Variants in ITGB4 observed in about 807,000 individuals in gnomAD.
ITGB4 encodes integrin subunit beta 4, also known as integrin beta-4.
A neutral mutation model predicts 207.6 loss-of-function variants in ITGB4; 159 were observed. The ratio of observed to expected loss-of-function variants is 0.77; its 90% CI spans 0.67 to 0.87. ITGB4 has a LOEUF of 0.87. ITGB4 is among the 40% of genes least tolerant of loss of function. ITGB4 has a pLI of 0.00. For missense variants in ITGB4, 2,278 were observed against 2,546.8 expected, an observed-to-expected ratio of 0.89 and a Z score of 2.27; for synonymous variants, 1,020 against 1,062.7, an observed-to-expected ratio of 0.96 and a Z score of 0.78.
rs372120901 is a variant in ITGB4, at chr17:75,740,025, G to C, written c.2400G>C (p.Arg800=). 11 of 1,612,982 alleles carry C rather than the reference G, an allele frequency of 6.8e-6. No individual in the cohort carries two copies. In the African/African-American group the frequency reaches 1.1e-4, roughly 16 times the overall value. ...VRWKVTNNMQ[R]PGFATHAASI... Reference sequence around the variant, plus strand: ...GGAAGGTCACCAACAACATGCAGCGGCCTGGCTTTGCCACTCATGCCGCCA... The same window carrying C: ...GGAAGGTCACCAACAACATGCAGCGCCCTGGCTTTGCCACTCATGCCGCCA... Residue 800 remains arginine, a synonymous_variant, in exon 20 of 40, where the codon CGG becomes CGC. Coordinates refer to ENST00000200181, the MANE Select transcript of ITGB4 (RefSeq NM_000213.5). This position sits in a 1 kb window ranked among gnomAD's most constrained non-coding sequence, Gnocchi z 5.9.
rs777986479 is a variant in ITGB4 at position 75,731,825 on chromosome 17, T to C, written c.1229T>C (p.Val410Ala). ...GGGCCCCTGCAGGGTATATACCAGG[T>C]GCAGCTGCGGGCCCTTGAGCACGTG... ...IRRGEVGIYQVQLRALEHVDG... is the reference protein window; with the variant it reads ...IRRGEVGIYQAQLRALEHVDG... Residue 410 changes from valine to alanine, a missense_variant, in exon 11 of 40, where the codon GTG (valine) becomes GCG (alanine). Physicochemically the swap from Val to Ala is moderately conservative, Grantham distance 64. Coordinates refer to ENST00000200181, the MANE Select transcript of ITGB4 (RefSeq NM_000213.5). This position sits in a 1 kb window ranked among gnomAD's most constrained non-coding sequence, Gnocchi z 6.8. 8 of 1,599,584 alleles carry C rather than the reference T, an allele frequency of 5.0e-6. No homozygotes were observed. The highest frequency in any genetic ancestry group is 1.3e-5 in the African/African-American group (1 of 74,674).
rs145976111 is a variant in ITGB4, at chr17:75,742,728, C to A, written c.2929C>A (p.Arg977Ser). 4.3e-6 allele frequency: 7 copies of A among 1,612,398 alleles called. No homozygotes were observed. The highest frequency in any genetic ancestry group is 5.9e-6 in the Non-Finnish European group (7 of 1,180,006). The change falls in exon 25 of 40, where the codon CGC (arginine) becomes AGC (serine). Residue 977 changes from arginine to serine, a missense_variant. By Grantham distance (110) the Arg-to-Ser change is moderately radical. Coordinates refer to ENST00000200181, the MANE Select transcript of ITGB4 (RefSeq NM_000213.5). The surrounding 1 kb of genome is among the most constrained non-coding windows in gnomAD (Gnocchi z 5.9). ...CGCAGGCACTGCCACCCTCGGCCGC[C>A]GCCTGGTAAACATCACCATCATCAA... Reference protein sequence around the residue: ...VPAGTATLGRRLVNITIIKEQ... With the variant: ...VPAGTATLGRSLVNITIIKEQ...
rs1310188526 is a variant in ITGB4 at position 75,727,470 on chromosome 17, A to G, written c.229A>G (p.Ile77Val). 1 of 1,613,814 alleles carries G rather than the reference A, an allele frequency of 6.2e-7. No homozygotes were observed. The highest frequency in any genetic ancestry group is 8.5e-7 in the Non-Finnish European group (1 of 1,180,014). ...LLAAGCQRES[I>V]VVMESSFQIT... ...GGCCGCGGGCTGCCAGCGGGAGAGC[A>G]TCGTGGTCATGGAGAGCAGCTTCCA... Residue 77 changes from isoleucine (I) to valine (V), a missense_variant, in exon 4 of 40, where the codon ATC (isoleucine) becomes GTC (valine). Physicochemically the swap from Ile to Val is conservative, Grantham distance 29. Coordinates refer to ENST00000200181, the MANE Select transcript of ITGB4 (RefSeq NM_000213.5). The surrounding 1 kb of genome is among the most constrained non-coding windows in gnomAD (Gnocchi z 6.0).
Position 75,731,358 on chromosome 17 carries a change from G to A in ITGB4, c.1205G>A (p.Arg402Gln), listed in dbSNP as rs748554997. Residue 402 changes from arginine (R) to glutamine (Q), a missense_variant, in exon 10 of 40, where the codon CGG becomes CAG. Coordinates refer to ENST00000200181, the MANE Select transcript of ITGB4 (RefSeq NM_000213.5). This position sits in a 1 kb window ranked among gnomAD's most constrained non-coding sequence, Gnocchi z 6.8. ...KTRTGSFHIR[R>Q]GEVGIYQVQL... ...AGGACTGGGTCCTTTCACATCCGGC[G>A]GGGGGAAGTGGTACGCCTCTGTGGG... 6.6e-5 allele frequency: 106 copies of A among 1,611,816 alleles called. No homozygotes were observed. Among genetic ancestry groups the A allele is most frequent in the East Asian group, 6.7e-5 (3 of 44,876 alleles).
At chr17:75,728,756 G>C (rs572176205) in intron 6 of ITGB4, among the ~76,000 whole-genome samples, 1 of 152,116 alleles carries the variant, frequency 6.6e-6, no homozygotes, top group African/African-American at 2.4e-5. Context: ...AGGCCAAGGC[G>C]GGTGGATCAC....
chr17:75,754,517 C>T (rs2061440862), intron 33 of ITGB4, 59 bp from the exon 34 acceptor site: 3 of 1,609,602 alleles, frequency 1.9e-6, no homozygotes, highest in Non-Finnish European at 2.5e-6. Flanking sequence ...GCCCAGCCTG[C>T]CCCACGGGGC....
At chr17:75,751,600 G>A (rs906595731) in intron 30 of ITGB4, 9 of 232,140 alleles carry the variant, frequency 3.9e-5, no homozygotes, top group Non-Finnish European at 7.8e-5. Flanking sequence ...AATTAGACAG[G>A]CATGGTGGCT....
chr17:75,740,206 G>C lies in ITGB4; in HGVS notation c.2446+135G>C, dbSNP rs1212789937. 1 of 1,218,512 alleles carries C rather than the reference G, an allele frequency of 8.2e-7. No individual in the cohort carries two copies. Among genetic ancestry groups the C allele is most frequent in the Non-Finnish European group, 1.2e-6 (1 of 860,010 alleles). The allele number at this position is 1,218,512 out of a possible 1,614,324, so 75.5% of individuals were successfully genotyped here. On this transcript the variant is annotated intron_variant, in intron 20 of 39. Transcript: ENST00000200181. The surrounding 1 kb of genome is among the most constrained non-coding windows in gnomAD (Gnocchi z 5.9). ...GCTCAGCCACCTTTTGCCCTGTGCT[G>C]ATGGTGCTATGAACCTCATGCCTCG...
chr17:75,730,385 A>T lies in ITGB4; in HGVS notation c.883A>T (p.Thr295Ser), dbSNP rs1393319372. ...ACGGTGCCACCTGGACACCACGGGC[A>T]CCTACACCCAGTACAGGACACAGGA... Reference protein sequence around the residue: ...DERCHLDTTGTYTQYRTQDYP... With the variant: ...DERCHLDTTGSYTQYRTQDYP... Residue 295 changes from threonine (T) to serine (S), a missense_variant, in exon 8 of 40, where the codon ACC becomes TCC. Transcript: ENST00000200181. The T allele has an allele frequency of 2.5e-6, 4 of 1,613,916 alleles. No homozygotes were observed. The highest frequency in any genetic ancestry group is 3.4e-6 in the Non-Finnish European group (4 of 1,179,998).
chr17:75,733,206 G>A (rs1303405218), intron 12 of ITGB4, among the ~76,000 whole-genome samples: 1 of 152,048 alleles, frequency 6.6e-6, no homozygotes, highest in East Asian at 1.9e-4. Context: ...GGCTAACATG[G>A]TGAAACCCCG....
intron 27 of ITGB4, among the ~76,000 whole-genome samples, chr17:75,749,603 C>A (rs1432126195): frequency 6.6e-6 from 1 of 152,238 alleles, no homozygotes; most frequent in Non-Finnish European, 1.5e-5. Flanking sequence ...GGCAACCCTA[C>A]AGCTAGAGAG....
intron 17 of ITGB4, 46 bp from the exon 18 acceptor site, chr17:75,737,492 C>A: frequency 6.4e-7 from 1 of 1,553,920 alleles, no homozygotes; most frequent in Non-Finnish European, 8.7e-7. Context: ...GGCCAGAGCT[C>A]GGTGGGGAGG....
At position 75,737,226 on chromosome 17, in the gene ITGB4, G is replaced by A. The variant is rs578239466; in HGVS notation, c.1991-96G>A. On this transcript the variant is annotated intron_variant, in intron 16 of 39. Coordinates refer to ENST00000200181, the MANE Select transcript of ITGB4 (RefSeq NM_000213.5). The stretch of plus-strand genomic sequence containing the variant: ...CCCCAGGAGGCCCTGCCGTGGGTGA[G>A]GCAGATCGCAGAGTAGGGGCCCCCT... 6 of 1,474,608 alleles carry A rather than the reference G, an allele frequency of 4.1e-6. No individual in the cohort carries two copies. In the South Asian group the frequency reaches 4.9e-5, roughly 12 times the overall value. 91.3% of individuals were successfully genotyped at this position (1,474,608 alleles called of 1,614,324 possible). A position where few individuals can be genotyped will look rare whatever the true frequency, so the allele number is the denominator to read the frequency against.
intron 30 of ITGB4, 152 bp from the exon 31 acceptor site, chr17:75,752,022 G>A (rs1015290453): frequency 1.9e-5 from 16 of 842,932 alleles, no homozygotes; most frequent in East Asian, 7.3e-5. Flanking sequence ...TCAGGGCTCC[G>A]CAGGCGGCAA....
Position 75,753,946 on chromosome 17 carries a change from C to A in ITGB4, c.4290C>A (p.Pro1430=). 3 of 1,273,824 alleles carry A rather than the reference C, an allele frequency of 2.4e-6. No individual in the cohort carries two copies. The highest frequency in any genetic ancestry group is 3.0e-6 in the Non-Finnish European group (3 of 1,015,696). 78.9% of individuals were successfully genotyped at this position (1,273,824 alleles called of 1,614,324 possible). ...GGAGGKGGSL[P]RSATPGPPGE... ...CGGGCGGGAAGGGCGGCAGCCTGCC[C>A]CGCAGTGCGACACCCGGGCCCCCCG... Residue 1430 remains proline, a synonymous_variant, in exon 33 of 40, where the codon CCC becomes CCA. Transcript: ENST00000200181.
chr17:75,746,084 T>C (rs1291604056), intron 26 of ITGB4, among the ~76,000 whole-genome samples: 1 of 152,066 alleles, frequency 6.6e-6, no homozygotes, highest in African/African-American at 2.4e-5. Context: ...AAGAATAATT[T>C]TTTTCTTTTA....
rs564425446 is a variant in ITGB4, at chr17:75,732,379, C to T, written c.1454+140C>T. On this transcript the variant is annotated intron_variant, in intron 12 of 39. Coordinates refer to ENST00000200181, the MANE Select transcript of ITGB4 (RefSeq NM_000213.5). This position sits in a 1 kb window ranked among gnomAD's most constrained non-coding sequence, Gnocchi z 5.3. ...CGGCAATCAAAGAAACGGCTAAGGG[C>T]GGGGCACACCCAGTTGTTGGTCAAA... 2.4e-5 allele frequency: 19 copies of T among 780,154 alleles called. No homozygotes were observed. Among genetic ancestry groups the T allele is most frequent in the South Asian group, 1.9e-4 (13 of 69,788 alleles). 48.3% of individuals were successfully genotyped at this position (780,154 alleles called of 1,614,324 possible).
rs1162800636 is a variant in ITGB4 at position 75,733,017 on chromosome 17, G to A, written c.1455-473G>A. Among the ~76,000 whole-genome samples the A allele has an allele frequency of 3.9e-5, 6 of 152,204 alleles. No individual in the cohort carries two copies. In the South Asian group the frequency reaches 8.3e-4, roughly 21 times the overall value. On this transcript the variant is annotated intron_variant, in intron 12 of 39. Coordinates refer to ENST00000200181, the MANE Select transcript of ITGB4 (RefSeq NM_000213.5). Reference sequence around the variant, plus strand: ...GCAGAATTGCTTGCACCTAGAAGGCGGAGGTTGCCGTGAGCTGAGATCGCG... The same window carrying A: ...GCAGAATTGCTTGCACCTAGAAGGCAGAGGTTGCCGTGAGCTGAGATCGCG...
intron 2 of ITGB4, among the ~76,000 whole-genome samples, chr17:75,726,759 C>G (rs1446711948): frequency 6.7e-6 from 1 of 149,974 alleles, no homozygotes; most frequent in Non-Finnish European, 1.5e-5. Flanking sequence ...AATAAAAATA[C>G]AACAACAACA....
Sources: allele counts gnomAD v4.1 joint callset (sites outside exome capture counted in the v4.1 genomes callset), GRCh38; gene constraint gnomAD v4.1.1; non-coding constraint Gnocchi (gnomAD v3.1); transcripts MANE v1.5; gene names NCBI Gene and HGNC (gene_info 2026-07-23, HGNC 2026-07-21).